NALCN: variants seen among roughly 807,000 people sequenced by gnomAD.
The protein encoded by NALCN is sodium leak channel NALCN.
Under a neutral mutation model 225.3 loss-of-function variants are expected in NALCN, and 111 were observed. The ratio of observed to expected loss-of-function variants is 0.49; its 90% confidence interval spans 0.42 to 0.58. NALCN has a LOEUF of 0.58. Among genes scored for constraint, NALCN ranks in the 20% least tolerant of loss-of-function variants. The pLI, the probability that NALCN is intolerant of heterozygous loss-of-function variation, is 0.00. For missense variants in NALCN, 1,378 were observed against 2,202.4 expected (o/e 0.63, Z 7.49); for synonymous variants, 764 against 769.0 (o/e 0.99, Z 0.11).
At chr13:101,320,151 C>T (rs1276974672) in intron 7 of NALCN, among the ~76,000 whole-genome samples, 2 of 152,116 alleles carry the variant, frequency 1.3e-5, no homozygotes, top group African/African-American at 2.4e-5. Context: ...CTAAAATCTA[C>T]CTTCAGGTAT....
intron 7 of NALCN, among the ~76,000 whole-genome samples, chr13:101,330,480 C>G (rs754120999): frequency 1.3e-5 from 2 of 152,140 alleles, no homozygotes; most frequent in Non-Finnish European, 2.9e-5. Context: ...ACTGGAAGAA[C>G]CCTGGCCTCC....
At chr13:101,344,677 G>C (rs2045659912) in intron 7 of NALCN, among the ~76,000 whole-genome samples, 1 of 152,160 alleles carries the variant, frequency 6.6e-6, no homozygotes, top group African/African-American at 2.4e-5. Context: ...CATTATGTAT[G>C]TAATGGCACA....
At chr13:101,333,816 A>G (rs1431766533) in intron 7 of NALCN, among the ~76,000 whole-genome samples, 1 of 152,316 alleles carries the variant, frequency 6.6e-6, no homozygotes, top group South Asian at 2.1e-4. Flanking sequence ...CAGCAGAGAA[A>G]GTTTCCTTGA....
chr13:101,237,743 T>G lies in NALCN; in HGVS notation c.1434+12A>C. The G allele has an allele frequency of 6.5e-7, 1 of 1,547,496 alleles. No homozygotes were observed. The highest frequency in any genetic ancestry group is 8.7e-7 in the Non-Finnish European group (1 of 1,150,528). On this transcript the variant is annotated intron_variant, in intron 12 of 43. Transcript: ENST00000251127. Reference sequence around the variant, plus strand: ...TAAATTTCTAAAGACAAATAGGCATTATTTTTATTACCTGAAAGTACGTGA... The same window carrying G: ...TAAATTTCTAAAGACAAATAGGCATGATTTTTATTACCTGAAAGTACGTGA...
chr13:101,285,857 G>A (rs2043319142), intron 9 of NALCN, among the ~76,000 whole-genome samples: 2 of 152,126 alleles, frequency 1.3e-5, no homozygotes. Context: ...AGCATTGCCA[G>A]TCACCAGTTA....
chr13:101,136,999 C>G (rs1451696062), intron 17 of NALCN, among the ~76,000 whole-genome samples: 3 of 152,192 alleles, frequency 2.0e-5, no homozygotes, highest in African/African-American at 7.2e-5. Context: ...GCCATTCTAA[C>G]TGGTGTGAGA....
At chr13:101,073,523 T>G in intron 37 of NALCN, 61 bp downstream of exon 37, 2 of 1,362,250 alleles carry the variant, frequency 1.5e-6, no homozygotes, top group South Asian at 2.5e-5. Flanking sequence ...GCCAACATTG[T>G]GTTGCAAGAG....
chr13:101,233,676 C>G, intron 12 of NALCN, among the ~76,000 whole-genome samples: 1 of 151,940 alleles, frequency 6.6e-6, no homozygotes, highest in East Asian at 1.9e-4. Context: ...GCTAGGTATG[C>G]GGTCTTGGGC....
intron 1 of NALCN, among the ~76,000 whole-genome samples, chr13:101,401,188 A>C (rs1257660805): frequency 6.6e-6 from 1 of 152,180 alleles, no homozygotes; most frequent in Non-Finnish European, 1.5e-5. Flanking sequence ...ATTGAGTTTG[A>C]ATATGGGCTT....
intron 7 of NALCN, among the ~76,000 whole-genome samples, chr13:101,295,696 C>T (rs750091745): frequency 1.3e-5 from 2 of 152,086 alleles, no homozygotes; most frequent in Non-Finnish European, 2.9e-5. Context: ...ATAACCAAAA[C>T]ACTCCCCAGG....
At chr13:101,354,271 G>A (rs113507917) in intron 6 of NALCN, among the ~76,000 whole-genome samples, 2,500 of 152,116 alleles carry the variant, frequency 0.016, 30 homozygotes, top group Middle Eastern at 0.027. Context: ...TGAACCCAGC[G>A]GGTAGAGGTT....
At chr13:101,387,528 C>G (rs376471493) in intron 3 of NALCN, among the ~76,000 whole-genome samples, 1 of 152,004 alleles carries the variant, frequency 6.6e-6, no homozygotes, top group Non-Finnish European at 1.5e-5. Context: ...TGAAAAAATA[C>G]AAGCTTAAAT....
At chr13:101,374,840 C>A (rs2046642908) in intron 6 of NALCN, among the ~76,000 whole-genome samples, 2 of 152,102 alleles carry the variant, frequency 1.3e-5, no homozygotes, top group Non-Finnish European at 2.9e-5. Context: ...CAACAGCAAA[C>A]AACTAAATTC....
chr13:101,068,517 C>T (rs990793179), intron 38 of NALCN, among the ~76,000 whole-genome samples, 178 bp downstream of exon 38: 3 of 152,198 alleles, frequency 2.0e-5, no homozygotes, highest in African/African-American at 7.2e-5. Flanking sequence ...TTGCAGTCAA[C>T]TGTCATTTAC....
At chr13:101,272,131 GGT>G (rs1226122692) in intron 10 of NALCN, among the ~76,000 whole-genome samples, 2 of 151,518 alleles carry the variant, frequency 1.3e-5, no homozygotes, top group African/African-American at 2.4e-5. Flanking sequence ...GTGTGTTTGA[GGT>G]GTGTGTGCGT....
At chr13:101,107,090 G>A (rs1371664144) in intron 22 of NALCN, among the ~76,000 whole-genome samples, 1 of 152,070 alleles carries the variant, frequency 6.6e-6, no homozygotes, top group Non-Finnish European at 1.5e-5. Flanking sequence ...AACAAATTGA[G>A]GTATTTTTAC....
intron 9 of NALCN, among the ~76,000 whole-genome samples, chr13:101,288,221 CATT>C (rs1399399181): frequency 2.0e-5 from 3 of 152,166 alleles, no homozygotes; most frequent in Non-Finnish European, 4.4e-5. Flanking sequence ...AGAAGGCACT[CATT>C]ATTACACCAT....
chr13:101,126,594 G>A (rs1393377853), intron 17 of NALCN, among the ~76,000 whole-genome samples: 2 of 151,790 alleles, frequency 1.3e-5, no homozygotes, highest in African/African-American at 2.4e-5. Flanking sequence ...CTGGGTTCAA[G>A]CGATTCTCCT....
intron 6 of NALCN, 106 bp downstream of exon 6, chr13:101,376,594 C>T (rs1197241720): frequency 8.7e-7 from 1 of 1,143,062 alleles, no homozygotes; most frequent in Non-Finnish European, 1.2e-6. Context: ...ACAAAGAGGA[C>T]ATAAGCACTG....
Sources: allele counts gnomAD v4.1 joint callset (sites outside exome capture counted in the v4.1 genomes callset), GRCh38; gene constraint gnomAD v4.1.1; transcripts MANE v1.5; gene names NCBI Gene and HGNC (gene_info 2026-07-23, HGNC 2026-07-21).